The following C2CD5 variants were observed in gnomAD, a reference collection of about 807,000 sequenced individuals.
C2CD5 encodes C2 domain-containing protein 5.
Under a neutral mutation model 130.3 loss-of-function variants are expected in C2CD5, and 109 were observed. That is an observed-to-expected ratio of 0.84 (90% CI 0.72 to 0.98). The LOEUF (loss-of-function observed/expected upper bound fraction) is 0.98, where lower values mean the gene tolerates loss of function less well. C2CD5 is among the 50% of genes least tolerant of loss of function. The pLI, the probability that C2CD5 is intolerant of heterozygous loss-of-function variation, is 0.00. For missense variants in C2CD5, 996 were observed against 1,261.8 expected (o/e 0.79, Z 3.19); for synonymous variants, 454 against 429.2 (o/e 1.06, Z -0.71).
intron 12 of C2CD5, among the ~76,000 whole-genome samples, chr12:22,489,315 T>C (rs577586696): frequency 6.6e-6 from 1 of 151,760 alleles, no homozygotes; most frequent in South Asian, 2.1e-4. Flanking sequence ...TTTATATATG[T>C]GTATATATAT....
At chr12:22,521,392 T>C (rs1343920899) in intron 7 of C2CD5, among the ~76,000 whole-genome samples, 1 of 152,222 alleles carries the variant, frequency 6.6e-6, no homozygotes, top group Non-Finnish European at 1.5e-5. Flanking sequence ...TTTACACTAA[T>C]AGAACTCTTC....
At chr12:22,487,461 T>C (rs1945693926) in intron 12 of C2CD5, among the ~76,000 whole-genome samples, 1 of 152,326 alleles carries the variant, frequency 6.6e-6, no homozygotes, top group South Asian at 2.1e-4. Flanking sequence ...ATGCTCATCA[T>C]CACTGGCCAT....
rs77657147 is a variant in C2CD5 at position 22,453,526 on chromosome 12, C to G, written c.3024+370G>C. On this transcript the variant is annotated intron_variant, in intron 26 of 26. Coordinates refer to ENST00000446597, the MANE Select transcript of C2CD5 (RefSeq NM_001286176.2). ...CTTACTATGGCCTTACTATGATATA[C>G]TCTTCATTAGTAAGGCAGCTGAAAC... is the stretch of plus-strand genomic sequence containing the variant. Among the ~76,000 whole-genome samples, 1,450 of 152,208 alleles carry G rather than the reference C, an allele frequency of 9.5e-3. 24 individuals are homozygous for G. The highest frequency in any genetic ancestry group is 0.033 in the African/African-American group (1,384 of 41,528).
At chr12:22,467,519 A>G (rs556454802) in intron 22 of C2CD5, among the ~76,000 whole-genome samples, 42 of 152,324 alleles carry the variant, frequency 2.8e-4, no homozygotes, top group Middle Eastern at 3.4e-3. Context: ...CAAAATGGGA[A>G]TATGTTAATA....
chr12:22,478,133 G>A (rs1174862064), intron 15 of C2CD5, 180 bp downstream of exon 15: 6 of 578,168 alleles, frequency 1.0e-5, no homozygotes, highest in South Asian at 2.0e-5. Flanking sequence ...AAATAGGATC[G>A]TTAGAGTAGG....
At chr12:22,526,722 A>G (rs1950754589) in intron 4 of C2CD5, among the ~76,000 whole-genome samples, 1 of 152,140 alleles carries the variant, frequency 6.6e-6, no homozygotes, top group East Asian at 1.9e-4. Flanking sequence ...AAAAAATTCC[A>G]AGAATAAGGG....
chr12:22,511,133 C>T (rs375075999), intron 9 of C2CD5, among the ~76,000 whole-genome samples: 4 of 142,792 alleles, frequency 2.8e-5, no homozygotes, highest in East Asian at 2.0e-4. Context: ...TTGAATAATC[C>T]GTAAAAGAGA....
intron 2 of C2CD5, among the ~76,000 whole-genome samples, chr12:22,541,561 C>G (rs1952385718): frequency 6.6e-6 from 1 of 152,172 alleles, no homozygotes; most frequent in African/African-American, 2.4e-5. Context: ...TCCTTCACTT[C>G]TTAAAACACA....
At position 22,506,752 on chromosome 12, in the gene C2CD5, C is replaced by G; in HGVS notation, c.1106G>C (p.Ser369Thr). Residue 369 changes from serine to threonine, a missense_variant, in exon 10 of 27, where the codon AGT becomes ACT. Transcript: ENST00000446597. ...GFLVHVGGVVSARSVKLLDRI... is the reference protein window; with the variant it reads ...GFLVHVGGVVTARSVKLLDRI... ...ATCCAAAAGCTTCACAGAACGTGCA[C>G]TAACTACACCCCCAACGTGTACAAG... 1 of 1,612,354 alleles carries G rather than the reference C, an allele frequency of 6.2e-7. No homozygotes were observed. The highest frequency in any genetic ancestry group is 8.5e-7 in the Non-Finnish European group (1 of 1,178,460).
chr12:22,492,194 T>TA, intron 11 of C2CD5, among the ~76,000 whole-genome samples: 1 of 152,198 alleles, frequency 6.6e-6, no homozygotes, highest in South Asian at 2.1e-4. Flanking sequence ...AAGAATTACC[T>TA]AAGAATAGAT....
At chr12:22,540,648 C>T (rs372612712) in intron 2 of C2CD5, among the ~76,000 whole-genome samples, 1 of 152,186 alleles carries the variant, frequency 6.6e-6, no homozygotes, top group Non-Finnish European at 1.5e-5. Flanking sequence ...CACCTGAGGT[C>T]AGGAGTTCAA....
At position 22,459,479 on chromosome 12, in the gene C2CD5, T is replaced by C. The variant is rs538584332; in HGVS notation, c.2584+13A>G. The C allele has an allele frequency of 2.0e-5, 31 of 1,515,364 alleles. No homozygotes were observed. The African/African-American group carries it at 2.5e-4, about 12-fold the overall frequency. The allele number at this position is 1,515,364 out of a possible 1,614,324, so 93.9% of individuals were successfully genotyped here. A position where few individuals can be genotyped will look rare whatever the true frequency, so the allele number is the denominator to read the frequency against. On this transcript the variant is annotated intron_variant, in intron 23 of 26. Coordinates refer to ENST00000446597, the MANE Select transcript of C2CD5 (RefSeq NM_001286176.2). Reference sequence around the variant, plus strand: ...CACCTTTGGTGACTATTTGCTTAATTAGACAAACTCACCTCTCTGTGCAGC... The same window carrying C: ...CACCTTTGGTGACTATTTGCTTAATCAGACAAACTCACCTCTCTGTGCAGC...
At chr12:22,455,864 T>C (rs532944569) in intron 25 of C2CD5, among the ~76,000 whole-genome samples, 1 of 152,162 alleles carries the variant, frequency 6.6e-6, no homozygotes, top group East Asian at 1.9e-4. Flanking sequence ...TTTGTATTTA[T>C]AGTAGAGAAG....
chr12:22,458,114 G>A (rs1263264893), intron 24 of C2CD5, among the ~76,000 whole-genome samples: 1 of 152,034 alleles, frequency 6.6e-6, no homozygotes, highest in East Asian at 1.9e-4. Flanking sequence ...TTAGCCCTCT[G>A]CATATCACAC....
At chr12:22,457,474 A>T (rs997733704) in intron 24 of C2CD5, among the ~76,000 whole-genome samples, 2 of 152,180 alleles carry the variant, frequency 1.3e-5, no homozygotes, top group Non-Finnish European at 2.9e-5. Context: ...GAGCATTAAA[A>T]TTATCTGCTG....
chr12:22,490,429 T>C (rs1185785681), intron 11 of C2CD5, among the ~76,000 whole-genome samples: 1 of 151,870 alleles, frequency 6.6e-6, no homozygotes, highest in Non-Finnish European at 1.5e-5. Context: ...TCTTCATAAA[T>C]TAAAAACTGA....
At chr12:22,520,017 G>C (rs1399041054) in intron 7 of C2CD5, among the ~76,000 whole-genome samples, 1 of 151,952 alleles carries the variant, frequency 6.6e-6, no homozygotes, top group Middle Eastern at 3.2e-3. Flanking sequence ...CCATATCTAT[G>C]TGTGTGTATA....
intron 22 of C2CD5, chr12:22,460,466 T>C (rs538345747): frequency 6.6e-6 from 1 of 151,920 alleles, no homozygotes; most frequent in African/African-American, 2.4e-5. Flanking sequence ...TTTGGTAACA[T>C]TCTTAAATTA....
At chr12:22,535,381 C>A in intron 2 of C2CD5, 37 bp from the exon 3 acceptor site, 2 of 1,098,420 alleles carry the variant, frequency 1.8e-6, no homozygotes, top group South Asian at 2.6e-5. Flanking sequence ...ATATGAATAT[C>A]AAAAATGTGA....
Sources: gnomAD v4.1 joint callset for allele counts (sites outside exome capture counted in the v4.1 genomes callset) on GRCh38, gnomAD v4.1.1 for gene constraint, MANE v1.5 for transcripts, NCBI Gene and HGNC (gene_info 2026-07-23, HGNC 2026-07-21) for gene names.